The following MORC3 variants were observed in gnomAD, a reference collection of about 807,000 sequenced individuals.
MORC3 encodes the protein MORC family CW-type zinc finger 3, also known as MORC family CW-type zinc finger protein 3.
A neutral mutation model predicts 109.1 loss-of-function variants in MORC3; 31 were observed. That is an observed-to-expected ratio of 0.28 (90% CI 0.21 to 0.38). MORC3 has a LOEUF of 0.38. MORC3 is among the 10% of genes least tolerant of loss of function. The pLI, the probability that MORC3 is intolerant of heterozygous loss-of-function variation, is 1.00. For missense variants in MORC3, 867 were observed against 1,135.8 expected (o/e 0.76, Z 3.40); for synonymous variants, 395 against 380.7 (o/e 1.04, Z -0.44).
Position 36,349,400 on chromosome 21 carries a change from T to C in MORC3, c.1095T>C (p.Asn365=). 3 of 1,594,204 alleles carry C rather than the reference T, an allele frequency of 1.9e-6. No homozygotes were observed. Among genetic ancestry groups the C allele is most frequent in the South Asian group, 1.1e-5 (1 of 88,888 alleles). ...ATAAACAAGATTTCGACTATACTAA[T>C]GAGTACAGGTATGTTACCTATTTAA... ...THNKQDFDYT[N]EYRLTITALG... Residue 365 remains asparagine, a synonymous_variant, in exon 9 of 17, where the codon AAT becomes AAC. Transcript: ENST00000400485.
In MORC3 at chr21:36,370,560, T is replaced by C. The variant is rs186025989; in HGVS notation, c.2508+684T>C. Among the ~76,000 whole-genome samples, 353 of 147,858 alleles carry C rather than the reference T, an allele frequency of 2.4e-3. 2 individuals are homozygous for C. The highest frequency in any genetic ancestry group is 7.4e-3 in the African/African-American group (297 of 40,270). ...TCTAGATTATGTCTTTCAAGATTCC[T>C]GAGAGAAACTGACTTATCCCTTTTA... is the stretch of plus-strand genomic sequence containing the variant. On this transcript the variant is annotated intron_variant, in intron 15 of 16. Coordinates refer to ENST00000400485, the MANE Select transcript of MORC3 (RefSeq NM_015358.3).
intron 1 of MORC3, among the ~76,000 whole-genome samples, chr21:36,328,112 A>G (rs2085270719): frequency 6.6e-6 from 1 of 151,458 alleles, no homozygotes; most frequent in Non-Finnish European, 1.5e-5. Flanking sequence ...CCTGACGTCA[A>G]ATGATCCACC....
chr21:36,366,245 G>A (rs933599353), intron 14 of MORC3, among the ~76,000 whole-genome samples: 3 of 151,936 alleles, frequency 2.0e-5, no homozygotes, highest in Admixed American at 6.6e-5. Flanking sequence ...ATGTCCATGT[G>A]TACCTAGCAC....
chr21:36,323,821 T>C (rs944485858), intron 1 of MORC3, among the ~76,000 whole-genome samples: 14 of 152,074 alleles, frequency 9.2e-5, no homozygotes, highest in Admixed American at 2.6e-4. Flanking sequence ...TACTGTCTTA[T>C]TGTTTTTCCT....
intron 1 of MORC3, among the ~76,000 whole-genome samples, chr21:36,324,763 A>T (rs1329850304): frequency 7.1e-6 from 1 of 140,128 alleles, no homozygotes; most frequent in Non-Finnish European, 1.5e-5. Context: ...GCTGGAGTGC[A>T]GTGGCATGAT....
At chr21:36,371,798 CTGTTT>C (rs577637151) in intron 15 of MORC3, among the ~76,000 whole-genome samples, 57 of 149,518 alleles carry the variant, frequency 3.8e-4, no homozygotes, top group African/African-American at 1.0e-3. Context: ...CTTGGTTTTT[CTGTTT>C]TGTTTTGTTT....
chr21:36,339,501 CAAAAAAAA>C (rs55863855), intron 5 of MORC3: 1 of 101,486 alleles, frequency 9.9e-6, no homozygotes, highest in East Asian at 3.1e-4. Context: ...CCCGTCTTCT[CAAAAAAAA>C]AAAAAAAAAA....
intron 3 of MORC3, 142 bp downstream of exon 3, chr21:36,337,148 C>T: frequency 1.0e-6 from 1 of 976,618 alleles, no homozygotes; most frequent in Non-Finnish European, 1.4e-6. Flanking sequence ...GCATGATTTT[C>T]TACTACTGGT....
intron 1 of MORC3, among the ~76,000 whole-genome samples, chr21:36,322,703 G>C (rs1689195466): frequency 6.6e-6 from 1 of 152,136 alleles, no homozygotes; most frequent in Non-Finnish European, 1.5e-5. Flanking sequence ...AGTCATTTAG[G>C]AGGTCGGAGA....
intron 12 of MORC3, chr21:36,360,512 G>A (rs1171933224): frequency 4.1e-6 from 2 of 483,482 alleles, no homozygotes; most frequent in East Asian, 6.9e-5. Context: ...GCTGTATGCA[G>A]AGGAATCATT....
chr21:36,356,597 G>GAATTT (rs1182885869), intron 9 of MORC3, 23 bp from the exon 10 acceptor site: 3 of 1,518,584 alleles, frequency 2.0e-6, no homozygotes, highest in African/African-American at 2.8e-5. Context: ...ATTTTTTCTT[G>GAATTT]ATTTTATGAT....
intron 9 of MORC3, among the ~76,000 whole-genome samples, chr21:36,353,747 A>ATTTTTTTTTTTTT: frequency 1.5e-5 from 1 of 65,514 alleles, no homozygotes; most frequent in African/African-American, 8.6e-5. Context: ...AGCCCGGCTA[A>ATTTTTTTTTTTTT]TTTTTGTATT....
At chr21:36,371,039 A>G (rs1359641617) in intron 15 of MORC3, among the ~76,000 whole-genome samples, 2 of 152,132 alleles carry the variant, frequency 1.3e-5, no homozygotes, top group Non-Finnish European at 2.9e-5. Flanking sequence ...TGCAGTCTTT[A>G]TGCATGGGTT....
intron 2 of MORC3, among the ~76,000 whole-genome samples, chr21:36,335,594 G>T (rs12483296): frequency 0.099 from 15,117 of 152,162 alleles, 933 homozygotes; most frequent in Non-Finnish European, 0.13. Context: ...GGGATTACAG[G>T]CATGAGCCGC....
rs1432782714 is a variant in MORC3 at position 36,376,216 on chromosome 21, G to A, written c.*920G>A. 6.6e-6 allele frequency: 1 copy of A among 152,530 alleles called. No individual in the cohort carries two copies. The highest frequency in any genetic ancestry group is 2.4e-5 in the African/African-American group (1 of 41,414). The allele number at this position is 152,530 out of a possible 1,614,324, so 9.4% of individuals were successfully genotyped here. On this transcript the variant is annotated 3_prime_UTR_variant, in exon 17 of 17. Transcript: ENST00000400485. ...TAGAGTCAAGGAACAAATTTCCTTA[G>A]GATTATAGTATTACATGCCATAAAA... is the stretch of plus-strand genomic sequence containing the variant.
intron 4 of MORC3, among the ~76,000 whole-genome samples, chr21:36,338,524 C>A (rs2085398923): frequency 6.6e-6 from 1 of 151,274 alleles, no homozygotes; most frequent in Non-Finnish European, 1.5e-5. Context: ...CCTATCTCTA[C>A]AAAAAAAATT....
chr21:36,348,089 A>G (rs1263172306), intron 8 of MORC3: 1 of 152,254 alleles, frequency 6.6e-6, no homozygotes, highest in Non-Finnish European at 1.5e-5. Flanking sequence ...TTCATAGACT[A>G]AGAAGTATAG....
At chr21:36,344,857 G>T in intron 7 of MORC3, 55 bp from the exon 8 acceptor site, 1 of 1,604,692 alleles carries the variant, frequency 6.2e-7, no homozygotes, top group South Asian at 1.1e-5. Context: ...GAAATAGAAA[G>T]GATGATTTGA....
chr21:36,322,329 A>G (rs2085202996), intron 1 of MORC3, among the ~76,000 whole-genome samples: 1 of 148,666 alleles, frequency 6.7e-6, no homozygotes, highest in Admixed American at 6.9e-5. Context: ...AAAGTCCTAC[A>G]TTTTAAGGCA....
Sources: gnomAD v4.1 joint callset for allele counts (sites outside exome capture counted in the v4.1 genomes callset) on GRCh38, gnomAD v4.1.1 for gene constraint, MANE v1.5 for transcripts, NCBI Gene and HGNC (gene_info 2026-07-23, HGNC 2026-07-21) for gene names.